MGAT4C: variants seen among roughly 807,000 people sequenced by gnomAD.
The protein encoded by MGAT4C is MGAT4 family member C, also known as alpha-1,3-mannosyl-glycoprotein 4-beta-N-acetylglucosaminyltransferase C.
A neutral mutation model predicts 40.1 loss-of-function variants in MGAT4C; 19 were observed. The ratio of observed to expected loss-of-function variants is 0.47; its 90% CI spans 0.33 to 0.70. The LOEUF (loss-of-function observed/expected upper bound fraction) is 0.70, where lower values mean the gene tolerates loss of function less well. Among genes scored for constraint, MGAT4C ranks in the 30% least tolerant of loss-of-function variants. The pLI, the probability that MGAT4C is intolerant of heterozygous loss-of-function variation, is 0.02. For synonymous variants in MGAT4C, 181 were observed against 187.1 expected, an observed-to-expected ratio of 0.97 and a Z score of 0.27; for missense variants, 491 against 563.2, an observed-to-expected ratio of 0.87 and a Z score of 1.30.
intron 1 of MGAT4C, among the ~76,000 whole-genome samples, chr12:86,161,662 A>T (rs894027269): frequency 7.9e-5 from 12 of 152,184 alleles, no homozygotes; most frequent in African/African-American, 2.9e-4. Flanking sequence ...AGTGGGACCT[A>T]ATTAAACTAA....
At chr12:86,828,858 A>G (rs560958279) in intron 1 of MGAT4C, among the ~76,000 whole-genome samples, 2 of 151,652 alleles carry the variant, frequency 1.3e-5, no homozygotes, top group East Asian at 3.9e-4. Flanking sequence ...GTGACAAATG[A>G]GAGGACTATA....
chr12:86,831,711 A>T (rs1952931509), intron 1 of MGAT4C, among the ~76,000 whole-genome samples: 1 of 151,836 alleles, frequency 6.6e-6, no homozygotes, highest in East Asian at 1.9e-4. Context: ...CTAAAGACTA[A>T]GATGATAGGG....
chr12:86,016,114 T>C (rs1390839136), intron 2 of MGAT4C: 1 of 152,328 alleles, frequency 6.6e-6, no homozygotes, highest in East Asian at 1.9e-4. Flanking sequence ...GTTTTGGTAA[T>C]GGTGCCCCAA....
chr12:86,576,847 A>G (rs1453188251), intron 2 of MGAT4C, among the ~76,000 whole-genome samples: 2 of 151,596 alleles, frequency 1.3e-5, no homozygotes, highest in African/African-American at 4.8e-5. Flanking sequence ...CTTATTTTCT[A>G]TTTCTATAAA....
intron 2 of MGAT4C, among the ~76,000 whole-genome samples, chr12:86,678,031 T>A (rs544643887): frequency 6.6e-5 from 10 of 152,112 alleles, no homozygotes; most frequent in African/African-American, 2.4e-4. Context: ...TGCTGATGAG[T>A]CTCAAATTTA....
At chr12:86,495,835 G>A (rs1333082273) in intron 2 of MGAT4C, among the ~76,000 whole-genome samples, 1 of 151,950 alleles carries the variant, frequency 6.6e-6, no homozygotes, top group Non-Finnish European at 1.5e-5. Flanking sequence ...AAACTCACCA[G>A]ATGACTACAT....
At chr12:86,161,052 A>C (rs976957365) in intron 1 of MGAT4C, among the ~76,000 whole-genome samples, 1 of 152,138 alleles carries the variant, frequency 6.6e-6, no homozygotes, top group Non-Finnish European at 1.5e-5. Flanking sequence ...ATGGATTGGA[A>C]GAATCATTAT....
At chr12:85,995,348 G>A (rs2136747500) in intron 2 of MGAT4C, among the ~76,000 whole-genome samples, 1 of 152,298 alleles carries the variant, frequency 6.6e-6, no homozygotes. Context: ...ACAGAAGAGA[G>A]ACTCAGAATT....
chr12:86,625,148 G>A (rs1040141667), intron 2 of MGAT4C, among the ~76,000 whole-genome samples: 2 of 151,870 alleles, frequency 1.3e-5, no homozygotes, highest in Non-Finnish European at 2.9e-5. Context: ...TTTTTAAAGG[G>A]GCTCTTCCCT....
intron 2 of MGAT4C, among the ~76,000 whole-genome samples, chr12:86,023,828 G>A (rs183290980): frequency 1.7e-4 from 26 of 151,688 alleles, no homozygotes; most frequent in Admixed American, 1.6e-3. Context: ...ATCCCATTTA[G>A]AAAGTTAGAG....
intron 3 of MGAT4C, among the ~76,000 whole-genome samples, chr12:86,400,541 C>G (rs1339554648): frequency 6.6e-6 from 1 of 152,164 alleles, no homozygotes; most frequent in African/African-American, 2.4e-5. Flanking sequence ...GCAAATCACA[C>G]AAGCCTCCAG....
At chr12:86,546,098 C>T (rs890676491) in intron 2 of MGAT4C, among the ~76,000 whole-genome samples, 2 of 151,970 alleles carry the variant, frequency 1.3e-5, no homozygotes, top group South Asian at 2.1e-4. Flanking sequence ...AGTTCTCTTT[C>T]GATCACATCT....
chr12:86,631,570 G>A (rs1963045893), intron 2 of MGAT4C, among the ~76,000 whole-genome samples: 1 of 151,934 alleles, frequency 6.6e-6, no homozygotes. Flanking sequence ...TAGACCAATG[G>A]AACAGAACAG....
chr12:86,007,929 C>G (rs1239960525), intron 2 of MGAT4C, among the ~76,000 whole-genome samples: 2 of 151,832 alleles, frequency 1.3e-5, no homozygotes, highest in Non-Finnish European at 2.9e-5. Context: ...CTTTTCTATC[C>G]CATTTATTCA....
chr12:86,760,233 T>A (rs541079149), intron 1 of MGAT4C, among the ~76,000 whole-genome samples: 1 of 152,094 alleles, frequency 6.6e-6, no homozygotes, highest in African/African-American at 2.4e-5. Context: ...AGAATGAAAG[T>A]AGACCCTTAT....
At chr12:86,638,438 T>C (rs568406337) in intron 2 of MGAT4C, among the ~76,000 whole-genome samples, 2 of 151,972 alleles carry the variant, frequency 1.3e-5, no homozygotes, top group East Asian at 3.9e-4. Flanking sequence ...ATGGTAGTAT[T>C]TGGAAATTGG....
intron 2 of MGAT4C, among the ~76,000 whole-genome samples, chr12:86,721,888 T>A (rs747164686): frequency 2.0e-5 from 3 of 152,144 alleles, no homozygotes; most frequent in Non-Finnish European, 2.9e-5. Context: ...AATATTCAAA[T>A]CTGTGATTGC....
At chr12:85,999,739 G>A (rs1010121719) in intron 2 of MGAT4C, among the ~76,000 whole-genome samples, 3 of 152,064 alleles carry the variant, frequency 2.0e-5, no homozygotes, top group Admixed American at 2.0e-4. Flanking sequence ...GATGAAACCA[G>A]AATGCACATG....
intron 2 of MGAT4C, among the ~76,000 whole-genome samples, chr12:86,488,528 C>T (rs1003467673): frequency 6.6e-6 from 1 of 152,000 alleles, no homozygotes; most frequent in Admixed American, 6.6e-5. Flanking sequence ...CTCTCTTGAA[C>T]TATCCAGTGA....
Sources: gnomAD v4.1 joint callset for allele counts (sites outside exome capture counted in the v4.1 genomes callset) on GRCh38, gnomAD v4.1.1 for gene constraint, MANE v1.5 for transcripts, NCBI Gene and HGNC (gene_info 2026-07-23, HGNC 2026-07-21) for gene names.